The following XKR6 variants were observed in gnomAD, a reference collection of about 807,000 sequenced individuals.
XKR6 encodes the protein XK-related protein 6.
XKR6 carries 22 observed loss-of-function variants against 56.7 expected under a neutral mutation model. The observed-to-expected ratio is 0.39, with a 90% CI of 0.28 to 0.55. The LOEUF (loss-of-function observed/expected upper bound fraction) is 0.55. Among genes scored for constraint, XKR6 ranks in the 20% least tolerant of loss-of-function variants. XKR6 has a pLI of 0.66. For synonymous variants in XKR6, 524 were observed against 387.8 expected, an observed-to-expected ratio of 1.35 and a Z score of -4.13; for missense variants, 852 against 889.0, an observed-to-expected ratio of 0.96 and a Z score of 0.53.
chr8:11,071,520 C>T (rs191314029), intron 1 of XKR6, among the ~76,000 whole-genome samples: 502 of 141,726 alleles, frequency 3.5e-3, no homozygotes, highest in Middle Eastern at 0.019. Context: ...CTATGAGCCC[C>T]GAGTCCATGA....
At chr8:11,169,402 C>T (rs778053782) in intron 1 of XKR6, among the ~76,000 whole-genome samples, 7 of 151,932 alleles carry the variant, frequency 4.6e-5, no homozygotes, top group Admixed American at 3.3e-4. Context: ...AGCTAGAAAT[C>T]AACAAACAAA....
intron 1 of XKR6, among the ~76,000 whole-genome samples, chr8:10,927,960 G>C (rs1429847759): frequency 6.6e-6 from 1 of 152,188 alleles, no homozygotes; most frequent in Non-Finnish European, 1.5e-5. Context: ...TCACAGCCCT[G>C]CCCAGGAGTT....
chr8:11,130,624 TTTAAG>T (rs894921919), intron 1 of XKR6, among the ~76,000 whole-genome samples: 3 of 151,976 alleles, frequency 2.0e-5, no homozygotes, highest in African/African-American at 7.3e-5. Context: ...TTTTTTTTTT[TTTAAG>T]TTAACTATCC....
chr8:10,905,158 T>G (rs1026765700), intron 2 of XKR6, among the ~76,000 whole-genome samples: 7 of 152,110 alleles, frequency 4.6e-5, no homozygotes, highest in African/African-American at 1.7e-4. Flanking sequence ...CCTGAAGCTG[T>G]CCCTCCTCTC....
intron 1 of XKR6, among the ~76,000 whole-genome samples, chr8:11,028,569 T>C (rs1215828326): frequency 1.3e-5 from 2 of 152,228 alleles, no homozygotes; most frequent in African/African-American, 4.8e-5. Context: ...AGAGGCATGC[T>C]ACTTTGATGA....
chr8:10,972,061 T>G (rs537906508), intron 1 of XKR6, among the ~76,000 whole-genome samples: 17 of 152,294 alleles, frequency 1.1e-4, no homozygotes, highest in Middle Eastern at 6.8e-3. Context: ...ATCTCGGACC[T>G]GTTGTTAAAT....
intron 1 of XKR6, among the ~76,000 whole-genome samples, chr8:11,063,684 G>T (rs1265179711): frequency 6.6e-6 from 1 of 152,124 alleles, no homozygotes; most frequent in Admixed American, 6.6e-5. Flanking sequence ...TTTAATATAT[G>T]GGGAGAGGCC....
chr8:10,922,710 C>T (rs935897390), intron 2 of XKR6, among the ~76,000 whole-genome samples: 1 of 152,228 alleles, frequency 6.6e-6, no homozygotes, highest in South Asian at 2.1e-4. Flanking sequence ...AAGCATACAG[C>T]CTGGGTCCTC....
At chr8:11,112,756 T>C (rs1009124127) in intron 1 of XKR6, among the ~76,000 whole-genome samples, 6 of 152,214 alleles carry the variant, frequency 3.9e-5, no homozygotes, top group Non-Finnish European at 8.8e-5. Flanking sequence ...ATCACTGCTC[T>C]CCCAGTCAAC....
chr8:10,956,930 C>A (rs1298599560), intron 1 of XKR6, among the ~76,000 whole-genome samples: 1 of 152,180 alleles, frequency 6.6e-6, no homozygotes, highest in Non-Finnish European at 1.5e-5. Context: ...TACCCTAGTC[C>A]TGGCCTTGTC....
chr8:11,054,743 C>T (rs1799638315), intron 1 of XKR6, among the ~76,000 whole-genome samples: 1 of 152,066 alleles, frequency 6.6e-6, no homozygotes, highest in Non-Finnish European at 1.5e-5. Flanking sequence ...TGTGGGTGGA[C>T]GGGGTGTGAT....
chr8:11,003,160 A>C (rs80043818), intron 1 of XKR6, among the ~76,000 whole-genome samples: 1 of 114,134 alleles, frequency 8.8e-6, no homozygotes, highest in Non-Finnish European at 2.3e-5. Context: ...GAGCCTTGAA[A>C]TAATAGAGTA....
chr8:10,924,877 G>T, intron 1 of XKR6, 47 bp from the exon 2 acceptor site: 1 of 1,564,782 alleles, frequency 6.4e-7, no homozygotes, highest in Non-Finnish European at 8.7e-7. Context: ...GTGGGTGCAG[G>T]GGCTCCAGAG....
chr8:11,130,959 G>C (rs368697240), intron 1 of XKR6, among the ~76,000 whole-genome samples: 1 of 152,094 alleles, frequency 6.6e-6, no homozygotes, highest in South Asian at 2.1e-4. Context: ...CTGAGCAGAA[G>C]ACCAAGAAAT....
At chr8:11,062,093 G>A (rs1484664039) in intron 1 of XKR6, among the ~76,000 whole-genome samples, 10 of 152,210 alleles carry the variant, frequency 6.6e-5, no homozygotes, top group Non-Finnish European at 1.0e-4. Flanking sequence ...GATGCTCAGA[G>A]AAACCAGACC....
chr8:11,074,844 C>T (rs539634732), intron 1 of XKR6, among the ~76,000 whole-genome samples: 3 of 152,354 alleles, frequency 2.0e-5, no homozygotes, highest in Non-Finnish European at 4.4e-5. Context: ...CTGTGGGCAG[C>T]TGCCCTCTGG....
At chr8:10,983,939 G>C (rs1035573320) in intron 1 of XKR6, among the ~76,000 whole-genome samples, 1 of 152,152 alleles carries the variant, frequency 6.6e-6, no homozygotes, top group African/African-American at 2.4e-5. Context: ...ACAGGTGTGA[G>C]CCACTGCGCC....
intron 1 of XKR6, among the ~76,000 whole-genome samples, chr8:11,045,797 G>A (rs763871518): frequency 6.6e-6 from 1 of 152,102 alleles, no homozygotes; most frequent in Non-Finnish European, 1.5e-5. Flanking sequence ...TGTGACTTGG[G>A]GGTTACCACA....
chr8:11,003,008 A>C (rs375633240), intron 1 of XKR6, among the ~76,000 whole-genome samples: 3 of 152,222 alleles, frequency 2.0e-5, no homozygotes, highest in African/African-American at 7.2e-5. Context: ...CTGAAAAAAA[A>C]AAACCTCCAA....
Sources: gnomAD v4.1 joint callset for allele counts (sites outside exome capture counted in the v4.1 genomes callset) on GRCh38, gnomAD v4.1.1 for gene constraint, MANE v1.5 for transcripts, NCBI Gene and HGNC (gene_info 2026-07-23, HGNC 2026-07-21) for gene names.